SORL1: variants seen among roughly 807,000 people sequenced by gnomAD.
The protein encoded by SORL1 is sortilin related receptor 1.
In SORL1, 127 loss-of-function variants were observed where a neutral mutation model predicts 273.7. The observed-to-expected ratio is 0.46, with a 90% CI of 0.40 to 0.54. The LOEUF (loss-of-function observed/expected upper bound fraction) is 0.54. SORL1 is among the 20% of genes least tolerant of loss of function. The pLI is 0.00. For missense variants in SORL1, 2,494 were observed against 2,846.1 expected, an observed-to-expected ratio of 0.88 and a Z score of 2.81; for synonymous variants, 1,031 against 1,067.4, an observed-to-expected ratio of 0.97 and a Z score of 0.66.
At position 121,497,064 on chromosome 11, in the gene SORL1, CTAAAGAA is replaced by C. The variant is rs1420214496; in HGVS notation, c.939+20_939+26del. ...CAAAGGTGGTGGTAAGTTGAATGTA[CTAAAGAA>C]TAAACTACTTTTGAGTTTCCTTTGT... On this transcript the variant is annotated intron_variant, in intron 6 of 47. Transcript: ENST00000260197. The C allele has an allele frequency of 1.2e-6, 2 of 1,606,352 alleles. No individual in the cohort carries two copies. The highest frequency in any genetic ancestry group is 1.3e-5 in the African/African-American group (1 of 74,620).
At chr11:121,495,862 T>G (rs566031474) in intron 5 of SORL1, among the ~76,000 whole-genome samples, 42 of 152,340 alleles carry the variant, frequency 2.8e-4, no homozygotes, top group Admixed American at 1.2e-3. Flanking sequence ...CTAGGAATAC[T>G]ATAGGGTAAA....
intron 45 of SORL1, 121 bp downstream of exon 45, chr11:121,622,389 G>A: frequency 1.7e-6 from 1 of 595,170 alleles, no homozygotes; most frequent in South Asian, 2.2e-5. Flanking sequence ...AAAAGAATAG[G>A]ACATGGACAT....
Position 121,453,901 on chromosome 11 carries a change from T to A in SORL1, c.285+1285T>A, listed in dbSNP as rs1046396970. 4.6e-5 allele frequency among the ~76,000 whole-genome samples: 7 copies of A among 152,338 alleles called. No homozygotes were observed. The East Asian group carries it at 1.3e-3, about 29-fold the overall frequency. On this transcript the variant is annotated intron_variant, in intron 1 of 47. Coordinates refer to ENST00000260197, the MANE Select transcript of SORL1 (RefSeq NM_003105.6). ...TATGCAATGCTGCTGAAATACCTCC[T>A]TTCTAAAATAAAATAGATCTGGTAT...
At chr11:121,607,948 G>C (rs982080302) in intron 37 of SORL1, among the ~76,000 whole-genome samples, 156 bp from the exon 38 acceptor site, 9 of 152,042 alleles carry the variant, frequency 5.9e-5, no homozygotes. Flanking sequence ...TCTTATTTCA[G>C]ATGCTGGGGC....
chr11:121,612,489 G>T, intron 39 of SORL1: 5 of 319,084 alleles, frequency 1.6e-5, no homozygotes, highest in Admixed American at 4.7e-5. Flanking sequence ...TCACTTTTTT[G>T]TTTCATTGAA....
At chr11:121,455,949 C>T (rs982150560) in intron 1 of SORL1, among the ~76,000 whole-genome samples, 4 of 150,270 alleles carry the variant, frequency 2.7e-5, no homozygotes, top group African/African-American at 9.8e-5. Context: ...GCCGAGATCG[C>T]GCCATTGCAC....
chr11:121,610,211 T>C (rs1863541827), intron 38 of SORL1: 1 of 152,252 alleles, frequency 6.6e-6, no homozygotes, highest in Admixed American at 6.5e-5. Flanking sequence ...GTTGTTTAAA[T>C]AATATTTTCT....
intron 23 of SORL1, among the ~76,000 whole-genome samples, chr11:121,570,920 C>T (rs985968224): frequency 6.6e-6 from 1 of 152,180 alleles, no homozygotes; most frequent in Non-Finnish European, 1.5e-5. Context: ...TGAATTTTCA[C>T]TATCTTTTCT....
chr11:121,543,679 A>G lies in SORL1; in HGVS notation c.1817A>G (p.Asn606Ser). The change falls in exon 13 of 48, where the codon AAT becomes AGT. Residue 606 changes from asparagine to serine, a missense_variant. Transcript: ENST00000260197. ...VFTIFGSNKE[N>S]VHSWLILQVN... Reference sequence around the variant, plus strand: ...ACCATCTTTGGCTCGAACAAAGAGAATGTCCACAGCTGGCTGATCCTCCAG... The same window carrying G: ...ACCATCTTTGGCTCGAACAAAGAGAGTGTCCACAGCTGGCTGATCCTCCAG... 1 of 1,614,132 alleles carries G rather than the reference A, an allele frequency of 6.2e-7. No individual in the cohort carries two copies. Among genetic ancestry groups the G allele is most frequent in the Non-Finnish European group, 8.5e-7 (1 of 1,180,002 alleles).
Position 121,472,307 on chromosome 11 carries a change from G to A in SORL1, c.402+2184G>A, listed in dbSNP as rs556155158. 1.3e-4 allele frequency among the ~76,000 whole-genome samples: 20 copies of A among 152,176 alleles called. 1 individual carries two copies. Among genetic ancestry groups the A allele is most frequent in the Middle Eastern group, 3.4e-3 (1 of 294 alleles). On this transcript the variant is annotated intron_variant, in intron 2 of 47. Coordinates refer to ENST00000260197, the MANE Select transcript of SORL1 (RefSeq NM_003105.6). ...GAAATCCTTCTTGGAATTTTTATGC[G>A]TTTAAAAAAACTCTTAATCCAGACA...
At chr11:121,530,068 C>G (rs1428523672) in intron 11 of SORL1, among the ~76,000 whole-genome samples, 1 of 152,076 alleles carries the variant, frequency 6.6e-6, no homozygotes, top group East Asian at 1.9e-4. Flanking sequence ...AATTTAGAAC[C>G]CTTTCAACCA....
intron 8 of SORL1, 84 bp from the exon 9 acceptor site, chr11:121,520,573 C>T: frequency 1.0e-6 from 1 of 976,880 alleles, no homozygotes; most frequent in African/African-American, 1.7e-5. Context: ...AAATTGTATA[C>T]TTTTAAATGG....
At position 121,473,660 on chromosome 11, in the gene SORL1, C is replaced by T. The variant is rs112441635; in HGVS notation, c.402+3537C>T. Among the ~76,000 whole-genome samples, 772 of 152,168 alleles carry T rather than the reference C, an allele frequency of 5.1e-3. 3 individuals carry two copies. Among genetic ancestry groups the T allele is most frequent in the African/African-American group, 0.017 (721 of 41,518 alleles). ...CTGTAATCCTAGCACTTCGGAAGGC[C>T]GAGGCGGGTGGATCATTTGAGGCCA... On this transcript the variant is annotated intron_variant, in intron 2 of 47. Transcript: ENST00000260197.
intron 1 of SORL1, among the ~76,000 whole-genome samples, chr11:121,456,809 A>G (rs1845088218): frequency 6.6e-6 from 1 of 152,156 alleles, no homozygotes; most frequent in Admixed American, 6.5e-5. Flanking sequence ...CTGATTTGAG[A>G]CTGAAAATAA....
intron 1 of SORL1, among the ~76,000 whole-genome samples, chr11:121,460,240 G>A (rs1428405938): frequency 1.3e-5 from 2 of 152,090 alleles, no homozygotes; most frequent in South Asian, 2.1e-4. Flanking sequence ...TAGAAACCCT[G>A]GGGGAAGATG....
chr11:121,532,656 C>A, intron 12 of SORL1, 104 bp downstream of exon 12: 1 of 938,126 alleles, frequency 1.1e-6, no homozygotes. Context: ...TTGTTGACAG[C>A]ACAATTTGTG....
In SORL1 at chr11:121,452,363, G is replaced by C. The variant is rs147575757; in HGVS notation, c.32G>C (p.Arg11Pro). Reference sequence around the variant, plus strand: ...ACACGGAGCAGCAGGAGGGAGTCGCGACTCCCGTTCCTATTCACCCTGGTC... The same window carrying C: ...ACACGGAGCAGCAGGAGGGAGTCGCCACTCCCGTTCCTATTCACCCTGGTC... MATRSSRRES[R>P]LPFLFTLVAL... The change falls in exon 1 of 48, where the codon CGA becomes CCA. Residue 11 changes from arginine to proline, a missense_variant. Physicochemically the swap from Arg to Pro is moderately radical, Grantham distance 103. Coordinates refer to ENST00000260197, the MANE Select transcript of SORL1 (RefSeq NM_003105.6). The surrounding 1 kb of genome is among the most constrained non-coding windows in gnomAD (Gnocchi z 5.3). The C allele has an allele frequency of 4.6e-4, 716 of 1,552,880 alleles. No individual in the cohort carries two copies. The highest frequency in any genetic ancestry group is 5.8e-4 in the Non-Finnish European group (668 of 1,154,090).
chr11:121,582,460 A>G (rs1863026728), intron 25 of SORL1, among the ~76,000 whole-genome samples: 1 of 152,270 alleles, frequency 6.6e-6, no homozygotes, highest in African/African-American at 2.4e-5. Flanking sequence ...CCTGGCTTGC[A>G]TTCAGCAATG....
rs1374433192 is a variant in SORL1, at chr11:121,452,519, G to C, written c.188G>C (p.Arg63Pro). 9.5e-6 allele frequency: 14 copies of C among 1,480,044 alleles called. No individual in the cohort carries two copies. Among genetic ancestry groups the C allele is most frequent in the Non-Finnish European group, 1.2e-5 (13 of 1,120,266 alleles). 91.7% of individuals were successfully genotyped at this position (1,480,044 alleles called of 1,614,324 possible). A position where few individuals can be genotyped will look rare whatever the true frequency, so the allele number is the denominator to read the frequency against. The change falls in exon 1 of 48, where the codon CGC (arginine) becomes CCC (proline). Residue 63 changes from arginine (R) to proline (P), a missense_variant. Arg to Pro is a moderately radical substitution (Grantham distance 103). Around this residue, in one of 3 missense-constraint regions of SORL1, gnomAD observed 175 missense variants for 147.1 expected, o/e 1.19. Coordinates refer to ENST00000260197, the MANE Select transcript of SORL1 (RefSeq NM_003105.6). The surrounding 1 kb of genome is among the most constrained non-coding windows in gnomAD (Gnocchi z 5.3). ...GDPRELRLWA[R>P]GDARGASRAD... ...CCGCGCGAGCTGCGGCTGTGGGCGC[G>C]CGGGGATGCCAGGGGGGCGAGCCGC...
Sources: gnomAD v4.1 joint callset for allele counts (sites outside exome capture counted in the v4.1 genomes callset) on GRCh38, gnomAD v4.1.1 for gene constraint, gnomAD v4.1.1 regional missense constraint, Gnocchi (gnomAD v3.1) non-coding constraint, MANE v1.5 for transcripts, NCBI Gene and HGNC (gene_info 2026-07-23, HGNC 2026-07-21) for gene names.